NFIA: variants seen among roughly 807,000 people sequenced by gnomAD.
The protein encoded by NFIA is nuclear factor I A.
NFIA carries 8 observed loss-of-function variants against 62.8 expected under a neutral mutation model. The ratio of observed to expected loss-of-function variants is 0.13; its 90% CI spans 0.07 to 0.23. The LOEUF (loss-of-function observed/expected upper bound fraction) is 0.23. NFIA is among the 10% of genes least tolerant of loss of function. The pLI is 1.00. For synonymous variants in NFIA, 235 were observed against 238.1 expected (o/e 0.99, Z 0.12); for missense variants, 410 against 642.1 (o/e 0.64, Z 3.91).
chr1:61,194,294 G>A (rs1472346099), intron 2 of NFIA, among the ~76,000 whole-genome samples: 2 of 152,252 alleles, frequency 1.3e-5, no homozygotes, highest in East Asian at 1.9e-4. Context: ...ATGGACGGTA[G>A]TACCTTTTGT....
chr1:61,416,861 G>A (rs1397388397), intron 9 of NFIA, among the ~76,000 whole-genome samples: 1 of 152,090 alleles, frequency 6.6e-6, no homozygotes, highest in Non-Finnish European at 1.5e-5. Context: ...CACATACTAT[G>A]TTTAGAGGTG....
intron 2 of NFIA, among the ~76,000 whole-genome samples, chr1:61,234,200 T>C (rs1191405750): frequency 1.3e-5 from 2 of 151,910 alleles, no homozygotes; most frequent in African/African-American, 2.4e-5. Flanking sequence ...AAACCCCATC[T>C]CTACTAAAAA....
chr1:61,266,864 A>T (rs1657205105), intron 2 of NFIA, among the ~76,000 whole-genome samples: 2 of 152,210 alleles, frequency 1.3e-5, no homozygotes, highest in African/African-American at 4.8e-5. Flanking sequence ...CCTGCTTCCA[A>T]GCAGTGAACA....
At chr1:61,276,452 C>G (rs1007795692) in intron 2 of NFIA, among the ~76,000 whole-genome samples, 1 of 152,122 alleles carries the variant, frequency 6.6e-6, no homozygotes, top group South Asian at 2.1e-4. Flanking sequence ...AAATTTCAGG[C>G]AGCTAATTCA....
intron 2 of NFIA, among the ~76,000 whole-genome samples, chr1:61,265,708 C>G (rs1657114688): frequency 6.6e-6 from 1 of 152,154 alleles, no homozygotes; most frequent in Non-Finnish European, 1.5e-5. Flanking sequence ...ATTCTAGGAT[C>G]TAGATTAAAT....
intron 2 of NFIA, among the ~76,000 whole-genome samples, chr1:61,092,434 A>G (rs186402447): frequency 3.5e-4 from 54 of 152,306 alleles, no homozygotes; most frequent in African/African-American, 1.3e-3. Flanking sequence ...GATTGCTTCC[A>G]TGCTGCTACC....
At chr1:61,346,081 T>G (rs1244212909) in intron 4 of NFIA, among the ~76,000 whole-genome samples, 2 of 152,220 alleles carry the variant, frequency 1.3e-5, no homozygotes, top group Non-Finnish European at 2.9e-5. Flanking sequence ...ACTAGCATTT[T>G]TTATGCCCCA....
chr1:61,371,152 C>T (rs1286545952), intron 6 of NFIA, among the ~76,000 whole-genome samples: 1 of 152,174 alleles, frequency 6.6e-6, no homozygotes, highest in South Asian at 2.1e-4. Flanking sequence ...CAACACCCCT[C>T]ATGTCTTAAC....
chr1:61,080,137 C>T (rs925088549), upstream of NFIA, among the ~76,000 whole-genome samples: 2 of 152,132 alleles, frequency 1.3e-5, no homozygotes, highest in Admixed American at 6.5e-5. Flanking sequence ...AAACAATCGT[C>T]CCATATCCAA....
At chr1:61,439,808 T>C (rs1207004154) in intron 10 of NFIA, among the ~76,000 whole-genome samples, 1 of 152,156 alleles carries the variant, frequency 6.6e-6, no homozygotes, top group African/African-American at 2.4e-5. Context: ...AAGTGAAAAA[T>C]AGACTTAGTG....
At chr1:61,227,493 T>C (rs1654406420) in intron 2 of NFIA, among the ~76,000 whole-genome samples, 2 of 152,236 alleles carry the variant, frequency 1.3e-5, no homozygotes, top group South Asian at 4.1e-4. Flanking sequence ...GGCGGTATTC[T>C]TTCTTTCATC....
chr1:61,347,165 C>CTTTTTTTTT (rs869046737), intron 4 of NFIA, among the ~76,000 whole-genome samples: 13 of 70,110 alleles, frequency 1.9e-4, no homozygotes, highest in African/African-American at 7.9e-4. Flanking sequence ...CTGGATCCCA[C>CTTTTTTTTT]TTTTTTTTTT....
At position 61,293,096 on chromosome 1, in the gene NFIA, T is replaced by C. The variant is rs114059544; in HGVS notation, c.625+15511T>C. 7.4e-3 allele frequency among the ~76,000 whole-genome samples: 1,120 copies of C among 152,342 alleles called. 9 individuals are homozygous for C. Among genetic ancestry groups the C allele is most frequent in the East Asian group, 0.013 (68 of 5,186 alleles). ...CTCAGAACATACTAACCGCATCACATTGATTTTAAACAACTCTGTTTTTAA... is the reference window on the plus strand; with the variant it reads ...CTCAGAACATACTAACCGCATCACACTGATTTTAAACAACTCTGTTTTTAA... On this transcript the variant is annotated intron_variant, in intron 3 of 10. Transcript: ENST00000403491.
At chr1:61,425,580 A>G (rs576925269) in intron 9 of NFIA, among the ~76,000 whole-genome samples, 5 of 152,324 alleles carry the variant, frequency 3.3e-5, no homozygotes, top group African/African-American at 1.2e-4. Context: ...AAATCCTTGG[A>G]GGTGATGATA....
chr1:61,324,343 T>C (rs547431807), intron 3 of NFIA, among the ~76,000 whole-genome samples: 24 of 152,222 alleles, frequency 1.6e-4, no homozygotes, highest in African/African-American at 5.8e-4. Context: ...CTGGTAATCA[T>C]TGGCCTGTCT....
chr1:61,363,752 A>C (rs909888300), intron 6 of NFIA, among the ~76,000 whole-genome samples: 3 of 152,166 alleles, frequency 2.0e-5, no homozygotes, highest in African/African-American at 7.2e-5. Context: ...CACAATATAT[A>C]AGCAAAGAGT....
chr1:61,175,287 T>C (rs1455047781), intron 2 of NFIA, among the ~76,000 whole-genome samples: 1 of 151,898 alleles, frequency 6.6e-6, no homozygotes, highest in Non-Finnish European at 1.5e-5. Flanking sequence ...GACTACAAGC[T>C]CGCACCACCA....
At chr1:61,357,533 C>T (rs986181992) in intron 5 of NFIA, among the ~76,000 whole-genome samples, 6 of 152,168 alleles carry the variant, frequency 3.9e-5, no homozygotes. Flanking sequence ...TTCCCTGTCT[C>T]CTTGACCCTC....
chr1:61,298,980 G>A (rs1375305025), intron 3 of NFIA, among the ~76,000 whole-genome samples: 1 of 152,134 alleles, frequency 6.6e-6, no homozygotes, highest in African/African-American at 2.4e-5. Flanking sequence ...TGTGTTTGTA[G>A]AGTAGTTATT....
Sources: gnomAD v4.1 joint callset for allele counts (sites outside exome capture counted in the v4.1 genomes callset) on GRCh38, gnomAD v4.1.1 for gene constraint, MANE v1.5 for transcripts, NCBI Gene and HGNC (gene_info 2026-07-23, HGNC 2026-07-21) for gene names.